The following CSMD1 variants were observed in gnomAD, a reference collection of about 807,000 sequenced individuals.
CSMD1 encodes CUB and sushi domain-containing protein 1.
A neutral mutation model predicts 417.5 loss-of-function variants in CSMD1; 213 were observed. That is an observed-to-expected ratio of 0.51 (90% confidence interval 0.46 to 0.57). The LOEUF (loss-of-function observed/expected upper bound fraction) is 0.57. Ranked by LOEUF, CSMD1 falls within the 20% of genes least tolerant of loss-of-function variation. The pLI is 0.00. For missense variants in CSMD1, 6,923 were observed against 4,529.7 expected, an observed-to-expected ratio of 1.53 and a Z score of -15.17; for synonymous variants, 2,862 against 1,736.8, an observed-to-expected ratio of 1.65 and a Z score of -16.11.
At chr8:3,822,307 C>A (rs976562272) in intron 5 of CSMD1, among the ~76,000 whole-genome samples, 2 of 152,238 alleles carry the variant, frequency 1.3e-5, no homozygotes, top group East Asian at 1.9e-4. Flanking sequence ...GGGGGAAGAA[C>A]AGGTGTTTTA....
At position 4,449,813 on chromosome 8, in the gene CSMD1, G is replaced by C. The variant is rs190456827; in HGVS notation, c.303-29748C>G. 3.3e-4 allele frequency among the ~76,000 whole-genome samples: 50 copies of C among 152,234 alleles called. No individual in the cohort carries two copies. In the East Asian group the frequency reaches 7.5e-3, roughly 23 times the overall value. On this transcript the variant is annotated intron_variant, in intron 2 of 69. Transcript: ENST00000635120. ...ATTTTTACATAACAGAGCCCTGCAA[G>C]CTTCCCCTCCTACGTTCCCTATCTC... is the stretch of plus-strand genomic sequence containing the variant.
In CSMD1 at chr8:3,319,674, ATTTGT is replaced by A. The variant is rs566150709; in HGVS notation, c.3632-11176_3632-11172del. ...TTAAAGATGGGAGAATTCTCAGATT[ATTTGT>A]TTTTTTTTGCCTGATTGCTGAAGAA... On this transcript the variant is annotated intron_variant, in intron 23 of 69. Coordinates refer to ENST00000635120, the MANE Select transcript of CSMD1 (RefSeq NM_033225.6). Among the ~76,000 whole-genome samples the A allele has an allele frequency of 4.6e-3, 696 of 152,168 alleles. 3 individuals are homozygous for A. The highest frequency in any genetic ancestry group is 0.016 in the African/African-American group (668 of 41,522).
intron 26 of CSMD1, among the ~76,000 whole-genome samples, chr8:3,234,978 T>C (rs1276144415): frequency 6.6e-6 from 1 of 152,236 alleles, no homozygotes; most frequent in Non-Finnish European, 1.5e-5. Flanking sequence ...ATCTTGTTCA[T>C]CTGAATGAAC....
chr8:4,026,200 T>C (rs938313936), intron 4 of CSMD1, among the ~76,000 whole-genome samples: 4 of 152,208 alleles, frequency 2.6e-5, no homozygotes, highest in African/African-American at 4.8e-5. Context: ...CTTTATAATC[T>C]AGTTATCCAA....
chr8:4,176,728 G>T (rs1000675683), intron 3 of CSMD1, among the ~76,000 whole-genome samples: 1 of 150,438 alleles, frequency 6.6e-6, no homozygotes, highest in Non-Finnish European at 1.5e-5. Context: ...TAAAAGGATG[G>T]AGGAAGATCT....
chr8:3,396,549 C>G (rs532442835), intron 16 of CSMD1, among the ~76,000 whole-genome samples, 168 bp from the exon 17 acceptor site: 15 of 152,234 alleles, frequency 9.9e-5, no homozygotes, highest in Admixed American at 9.8e-4. Context: ...ATAGTATGTT[C>G]TTTTCTTGAT....
intron 1 of CSMD1, among the ~76,000 whole-genome samples, chr8:4,842,859 G>C (rs12541383): frequency 0.4 from 60,124 of 151,956 alleles, 13,636 homozygotes; most frequent in East Asian, 0.67. Flanking sequence ...TTTTTTCAAC[G>C]CTTAAAGGCT....
chr8:3,660,074 T>G (rs1585033138), intron 7 of CSMD1, among the ~76,000 whole-genome samples: 2 of 152,350 alleles, frequency 1.3e-5, no homozygotes, highest in South Asian at 2.1e-4. Context: ...AAGTATAAAA[T>G]AGAAATAAGG....
chr8:4,836,889 C>G (rs1363135919), intron 1 of CSMD1, among the ~76,000 whole-genome samples: 1 of 152,048 alleles, frequency 6.6e-6, no homozygotes, highest in Non-Finnish European at 1.5e-5. Context: ...ACCTCTCACT[C>G]TGTCTGAGGC....
intron 2 of CSMD1, among the ~76,000 whole-genome samples, chr8:4,446,373 C>A (rs967670900): frequency 3.3e-5 from 5 of 152,042 alleles, no homozygotes; most frequent in African/African-American, 1.2e-4. Context: ...CATGGCAGAA[C>A]CCCAACTCCA....
At chr8:4,778,627 G>C (rs908932642) in intron 1 of CSMD1, among the ~76,000 whole-genome samples, 2 of 152,124 alleles carry the variant, frequency 1.3e-5, no homozygotes, top group Admixed American at 1.3e-4. Context: ...TACCACTATT[G>C]ACCCTCTGAC....
chr8:4,007,453 G>C (rs546827852), intron 4 of CSMD1, among the ~76,000 whole-genome samples: 14 of 152,180 alleles, frequency 9.2e-5, no homozygotes, highest in Non-Finnish European at 1.8e-4. Context: ...ACATCTCCCT[G>C]TCTGACTTCA....
chr8:3,802,112 T>C (rs370709744), intron 5 of CSMD1, among the ~76,000 whole-genome samples: 17 of 152,108 alleles, frequency 1.1e-4, no homozygotes, highest in African/African-American at 4.1e-4. Flanking sequence ...AACATTGTTT[T>C]AAAAAGGTAA....
At chr8:3,286,002 G>C (rs536761434) in intron 25 of CSMD1, among the ~76,000 whole-genome samples, 2 of 152,160 alleles carry the variant, frequency 1.3e-5, no homozygotes, top group East Asian at 1.9e-4. Context: ...ACAGGCCCCA[G>C]TGTGTGATGT....
chr8:4,771,351 C>CA (rs1462437306), intron 1 of CSMD1, among the ~76,000 whole-genome samples: 1 of 152,192 alleles, frequency 6.6e-6, no homozygotes, highest in East Asian at 1.9e-4. Flanking sequence ...TTAAAAAGAA[C>CA]ACCAGGCTTT....
intron 49 of CSMD1, among the ~76,000 whole-genome samples, chr8:3,062,586 A>G (rs888855759): frequency 6.6e-6 from 1 of 152,320 alleles, no homozygotes; most frequent in South Asian, 2.1e-4. Context: ...CAGCTATGAA[A>G]TGCAAAATTG....
chr8:4,138,198 G>A lies in CSMD1; in HGVS notation c.416-106099C>T, dbSNP rs537243242. Among the ~76,000 whole-genome samples the A allele has an allele frequency of 1.0e-3, 133 of 131,736 alleles. 5 individuals are homozygous for A. The highest frequency in any genetic ancestry group is 3.3e-3 in the African/African-American group (116 of 35,684). 86.4% of individuals were successfully genotyped at this position (131,736 alleles called of 152,430 possible). ...CCAAAGTGCTGGGATTACAGGCGCA[G>A]CCTTACATTTTTTTTTTTTTTTTTT... On this transcript the variant is annotated intron_variant, in intron 3 of 69. Transcript: ENST00000635120.
intron 7 of CSMD1, among the ~76,000 whole-genome samples, chr8:3,661,521 G>C (rs1319650462): frequency 1.3e-5 from 2 of 151,582 alleles, no homozygotes; most frequent in African/African-American, 2.4e-5. Context: ...TTTTGAGACT[G>C]AGTCCCACTT....
In CSMD1 at chr8:4,245,236, G is replaced by T. The variant is rs73498570; in HGVS notation, c.415+174717C>A. 1.7e-3 allele frequency among the ~76,000 whole-genome samples: 260 copies of T among 152,302 alleles called. 1 individual carries two copies. The highest frequency in any genetic ancestry group is 5.8e-3 in the African/African-American group (243 of 41,576). On this transcript the variant is annotated intron_variant, in intron 3 of 69. Transcript: ENST00000635120. ...TGGTTTTCTGAACTCTAAATCGGAT[G>T]AAATCAAGCACCTGCATTACGCAAT... is the stretch of plus-strand genomic sequence containing the variant.
Sources: gnomAD v4.1 joint callset for allele counts (sites outside exome capture counted in the v4.1 genomes callset) on GRCh38, gnomAD v4.1.1 for gene constraint, MANE v1.5 for transcripts, NCBI Gene and HGNC (gene_info 2026-07-23, HGNC 2026-07-21) for gene names.